The following PMM2 variants were observed in gnomAD, a reference collection of about 807,000 sequenced individuals.
PMM2 encodes phosphomannomutase 2, also known as mannose-6-phosphate isomerase.
A neutral mutation model predicts 33.2 loss-of-function variants in PMM2; 35 were observed. That is an observed-to-expected ratio of 1.06 (90% CI 0.81 to 1.40). The LOEUF is 1.40. PMM2 is among the 40% of genes most tolerant of loss of function. PMM2 has a pLI of 0.00. For synonymous variants in PMM2, 153 were observed against 114.7 expected (o/e 1.33, Z -2.13); for missense variants, 386 against 306.0 (o/e 1.26, Z -1.95).
chr16:8,821,856 A>G (rs1402003055), intron 7 of PMM2, among the ~76,000 whole-genome samples: 2 of 152,266 alleles, frequency 1.3e-5, no homozygotes, highest in African/African-American at 2.4e-5. Context: ...GCCCCAAACA[A>G]GCATTTTTAA....
intron 7 of PMM2, among the ~76,000 whole-genome samples, chr16:8,825,123 T>G (rs2060759318): frequency 6.6e-6 from 1 of 152,100 alleles, no homozygotes; most frequent in South Asian, 2.1e-4. Flanking sequence ...CTCTATCTCC[T>G]GGGTTCATGC....
In PMM2 at chr16:8,847,377, T is replaced by TAA. The variant is rs34609525; in HGVS notation, c.640-332_640-331dup. On this transcript the variant is annotated intron_variant, in intron 7 of 7. Coordinates refer to ENST00000268261, the MANE Select transcript of PMM2 (RefSeq NM_000303.3). The stretch of plus-strand genomic sequence containing the variant: ...CTTGTTAGAAAAGCGTAGGTACAGC[T>TAA]AAAAAAAAAAAAAAAACTGATGGCT... 0.56 allele frequency among the ~76,000 whole-genome samples: 78,337 copies of TAA among 140,772 alleles called. 22,309 individuals carry two copies. Among genetic ancestry groups the TAA allele is most frequent in the African/African-American group, 0.67 (25,195 of 37,848 alleles). The allele number at this position is 140,772 out of a possible 152,430, so 92.4% of individuals were successfully genotyped here.
At chr16:8,844,638 C>T (rs1269446562) in intron 7 of PMM2, among the ~76,000 whole-genome samples, 1 of 152,174 alleles carries the variant, frequency 6.6e-6, no homozygotes, top group East Asian at 1.9e-4. Flanking sequence ...ACCTCTGAAA[C>T]GTGGGTGAAT....
chr16:8,843,535 C>T (rs370538126), intron 7 of PMM2, among the ~76,000 whole-genome samples: 1 of 152,038 alleles, frequency 6.6e-6, no homozygotes, highest in Non-Finnish European at 1.5e-5. Context: ...AGATTTCTGG[C>T]ACGTGTAGCA....
intron 7 of PMM2, among the ~76,000 whole-genome samples, chr16:8,831,785 C>T (rs116257733): frequency 0.011 from 1,688 of 152,284 alleles, 30 homozygotes; most frequent in African/African-American, 0.039. Flanking sequence ...AACACTATGC[C>T]TTCTGTTTCA....
chr16:8,834,547 A>C (rs2060831281), intron 7 of PMM2, among the ~76,000 whole-genome samples: 1 of 152,160 alleles, frequency 6.6e-6, no homozygotes, highest in African/African-American at 2.4e-5. Flanking sequence ...CTAATTTGCC[A>C]GTCCTGGGTG....
chr16:8,826,043 C>T (rs553904937), intron 7 of PMM2, among the ~76,000 whole-genome samples: 6 of 152,270 alleles, frequency 3.9e-5, no homozygotes, highest in Admixed American at 1.3e-4. Context: ...CATGTGCCAC[C>T]GCATCTGGCA....
chr16:8,829,713 C>G (rs1296451396), intron 7 of PMM2, among the ~76,000 whole-genome samples: 1 of 152,130 alleles, frequency 6.6e-6, no homozygotes, highest in Non-Finnish European at 1.5e-5. Context: ...GCAGCCCTGT[C>G]AAACTTCCGA....
At position 8,847,879 on chromosome 16, in the gene PMM2, G is replaced by C. The variant is rs1223056320; in HGVS notation, c.*54G>C. The C allele has an allele frequency of 9.3e-6, 13 of 1,393,918 alleles. No homozygotes were observed. Among genetic ancestry groups the C allele is most frequent in the Non-Finnish European group, 1.2e-5 (12 of 987,778 alleles). The allele number at this position is 1,393,918 out of a possible 1,614,324, so 86.3% of individuals were successfully genotyped here. On this transcript the variant is annotated 3_prime_UTR_variant, in exon 8 of 8. Coordinates refer to ENST00000268261, the MANE Select transcript of PMM2 (RefSeq NM_000303.3). ...CTGACAAGCCAGCATAGGGCATTCG[G>C]TGGCCAGAGCCGAGGGTCCTCCCAC... is the stretch of plus-strand genomic sequence containing the variant.
Position 8,811,106 on chromosome 16 carries a change from G to T in PMM2, c.375G>T (p.Gly125=), listed in dbSNP as rs1266829221. The T allele has an allele frequency of 2.5e-6, 4 of 1,574,290 alleles. No individual in the cohort carries two copies. In the South Asian group the frequency reaches 3.5e-5, roughly 14 times the overall value. The change falls in exon 5 of 8, where the codon GGG becomes GGT. Residue 125 remains glycine, a synonymous_variant. Coordinates refer to ENST00000268261, the MANE Select transcript of PMM2 (RefSeq NM_000303.3). The stretch of plus-strand genomic sequence containing the variant: ...GTACTTTCATTGAATTCCGAAATGG[G>T]ATGTTAAACGTGTCCCCTATTGGAA... ...KRGTFIEFRN[G]MLNVSPIGRS...
Position 8,827,005 on chromosome 16 carries a change from A to G in PMM2, c.639+13899A>G, listed in dbSNP as rs114942353. On this transcript the variant is annotated intron_variant, in intron 7 of 7. Transcript: ENST00000268261. ...CCAAAAATACATCTTTATAGCCTCA[A>G]CTTTTTTCACATATCTCTCTCCCCT... 5.7e-3 allele frequency among the ~76,000 whole-genome samples: 863 copies of G among 152,268 alleles called. 10 individuals are homozygous for G. Among genetic ancestry groups the G allele is most frequent in the African/African-American group, 0.02 (810 of 41,538 alleles).
intron 7 of PMM2, among the ~76,000 whole-genome samples, chr16:8,827,944 A>AATATATATATTTATAAATTTATAT (rs2060786933): frequency 1.8e-5 from 2 of 113,736 alleles, no homozygotes; most frequent in Non-Finnish European, 3.4e-5. Flanking sequence ...TATATTTATA[A>AATATATATATTTATAAATTTATAT]ATATATATAT....
chr16:8,838,450 G>C (rs1403473866), intron 7 of PMM2, among the ~76,000 whole-genome samples: 1 of 152,040 alleles, frequency 6.6e-6, no homozygotes, highest in South Asian at 2.1e-4. Context: ...TTGAAGTATT[G>C]GGGCGGTGAA....
At chr16:8,821,555 G>A (rs545264624) in intron 7 of PMM2, among the ~76,000 whole-genome samples, 8 of 152,310 alleles carry the variant, frequency 5.3e-5, no homozygotes, top group African/African-American at 1.9e-4. Context: ...CTTGATGTCC[G>A]CAGAATCGGC....
intron 4 of PMM2, chr16:8,809,542 TC>T (rs35953518): frequency 0.86 from 130,216 of 151,966 alleles, 56,785 homozygotes; most frequent in East Asian, 0.97. Flanking sequence ...AACCTCCGCC[TC>T]CCGGGTTCAA....
chr16:8,826,585 A>G (rs755544419), intron 7 of PMM2, among the ~76,000 whole-genome samples: 14 of 152,156 alleles, frequency 9.2e-5, no homozygotes, highest in Non-Finnish European at 1.3e-4. Flanking sequence ...TATTTCATCA[A>G]TAATCTTTAA....
At chr16:8,845,462 G>C (rs1292880404) in intron 7 of PMM2, among the ~76,000 whole-genome samples, 1 of 152,132 alleles carries the variant, frequency 6.6e-6, no homozygotes, top group Non-Finnish European at 1.5e-5. Context: ...CTGACAGTAG[G>C]TGTTCTAGAA....
At chr16:8,844,487 G>A (rs2060911483) in intron 7 of PMM2, among the ~76,000 whole-genome samples, 1 of 152,010 alleles carries the variant, frequency 6.6e-6, no homozygotes, top group Admixed American at 6.5e-5. Flanking sequence ...GGGGTTGGGG[G>A]GTTCTTGCCC....
At chr16:8,836,267 T>G (rs1001318882) in intron 7 of PMM2, among the ~76,000 whole-genome samples, 1 of 152,014 alleles carries the variant, frequency 6.6e-6, no homozygotes, top group Non-Finnish European at 1.5e-5. Flanking sequence ...CCGAGGGGAT[T>G]GGGCAGTGTC....
Sources: allele counts gnomAD v4.1 joint callset (sites outside exome capture counted in the v4.1 genomes callset), GRCh38; gene constraint gnomAD v4.1.1; transcripts MANE v1.5; gene names NCBI Gene and HGNC (gene_info 2026-07-23, HGNC 2026-07-21).